The following JPH2 variants were observed in gnomAD, a reference collection of about 807,000 sequenced individuals.
The protein encoded by JPH2 is junctophilin 2, also known as junctophilin-2.
JPH2 carries 38 observed loss-of-function variants against 55.9 expected under a neutral mutation model. The observed-to-expected ratio is 0.68, with a 90% confidence interval of 0.52 to 0.89. JPH2 has a LOEUF of 0.89. Ranked by LOEUF, JPH2 falls within the 40% of genes least tolerant of loss-of-function variation. The pLI is 0.00. For missense variants in JPH2, 964 were observed against 1,037.6 expected, an observed-to-expected ratio of 0.93 and a Z score of 0.97; for synonymous variants, 480 against 472.4, an observed-to-expected ratio of 1.02 and a Z score of -0.21.
rs1365340161 is a variant in JPH2, at chr20:44,110,831, A to G, written c.*2687T>C. ...GCAGGGATTAGAGTCTCCTCAGCAG[A>G]AGAGGAAACTGAGGCACAGAAAGAG... On this transcript the variant is annotated 3_prime_UTR_variant, in exon 6 of 6. Transcript: ENST00000372980. Among the ~76,000 whole-genome samples the G allele has an allele frequency of 6.6e-6, 1 of 152,168 alleles. No individual in the cohort carries two copies. Among genetic ancestry groups the G allele is most frequent in the East Asian group, 1.9e-4 (1 of 5,192 alleles).
At chr20:44,139,977 T>C (rs1328203152) in intron 2 of JPH2, among the ~76,000 whole-genome samples, 6 of 152,162 alleles carry the variant, frequency 3.9e-5, no homozygotes, top group Non-Finnish European at 8.8e-5. Context: ...GTTCAAGTGA[T>C]TCTCCTGCCT....
chr20:44,114,790 C>T lies in JPH2; in HGVS notation c.*6G>A, dbSNP rs1031089866. ...CAGCCAGCTGGCTGCACCTGGTAAG[C>T]GACGGTCAGGTCAGGAGGTGAACAA... On this transcript the variant is annotated 3_prime_UTR_variant, in exon 5 of 6. Transcript: ENST00000372980. 11 of 1,598,394 alleles carry T rather than the reference C, an allele frequency of 6.9e-6. No individual in the cohort carries two copies. The highest frequency in any genetic ancestry group is 1.7e-4 in the Middle Eastern group (1 of 6,006).
At chr20:44,154,015 G>C (rs1264636764) in intron 2 of JPH2, among the ~76,000 whole-genome samples, 2 of 152,090 alleles carry the variant, frequency 1.3e-5, no homozygotes, top group Non-Finnish European at 2.9e-5. Context: ...ACCTTAAAAG[G>C]CATCACAAAA....
chr20:44,178,108 C>G (rs1003170150), intron 1 of JPH2: 2 of 740,520 alleles, frequency 2.7e-6, no homozygotes, highest in Non-Finnish European at 5.0e-6. Context: ...TATCACATGT[C>G]TTCCTTTAGT....
intron 2 of JPH2, among the ~76,000 whole-genome samples, chr20:44,144,203 G>T (rs1404866347): frequency 3.3e-5 from 5 of 152,238 alleles, no homozygotes; most frequent in Admixed American, 6.5e-5. Flanking sequence ...AGGAAGTCAA[G>T]TGGAAGTTGG....
rs768172413 is a variant in JPH2, at chr20:44,159,646, G to A, written c.1141C>T (p.Arg381Cys). 5 of 1,606,680 alleles carry A rather than the reference G, an allele frequency of 3.1e-6. No individual in the cohort carries two copies. Among genetic ancestry groups the A allele is most frequent in the African/African-American group, 1.3e-5 (1 of 74,934 alleles). Residue 381 changes from arginine (R) to cysteine (C), a missense_variant, in exon 2 of 6, where the codon CGC (arginine) becomes TGC (cysteine). Physicochemically the swap from Arg to Cys is radical, Grantham distance 180. Transcript: ENST00000372980. The surrounding 1 kb of genome is among the most constrained non-coding windows in gnomAD (Gnocchi z 5.7). ...EGAQRAAAIA[R>C]QKAEIAASRT... ...GAGGCGGCAATCTCGGCCTTCTGGC[G>A]CGCGATAGCAGCGGCGCGCTGGGCA...
chr20:44,187,180 G>A lies in JPH2; in HGVS notation c.-475C>T, dbSNP rs901024057. The A allele has an allele frequency of 6.2e-5, 11 of 178,546 alleles. No individual in the cohort carries two copies. The highest frequency in any genetic ancestry group is 2.6e-4 in the African/African-American group (11 of 41,876). The allele number at this position is 178,546 out of a possible 1,614,324, so 11.1% of individuals were successfully genotyped here. On this transcript the variant is annotated 5_prime_UTR_variant, in exon 1 of 6. Coordinates refer to ENST00000372980, the MANE Select transcript of JPH2 (RefSeq NM_020433.5). The stretch of plus-strand genomic sequence containing the variant: ...CCCTTCTCCACCCCAGTGGGTGTGC[G>A]GGGCTGTCGGTCTCCCCGCCGCTGC...
chr20:44,176,913 A>C, intron 1 of JPH2: 1 of 985,470 alleles, frequency 1.0e-6, no homozygotes, highest in Non-Finnish European at 1.2e-6. Flanking sequence ...GCAGCTGTCC[A>C]GCCTCCATGT....
At chr20:44,132,399 C>CACACACACACACACACACACACACAG (rs71195518) in intron 2 of JPH2, among the ~76,000 whole-genome samples, 4 of 130,446 alleles carry the variant, frequency 3.1e-5, no homozygotes, top group Non-Finnish European at 4.8e-5. Context: ...CACACACACA[C>CACACACACACACACACACACACACAG]ACATTTGGGC....
rs1390923656 is a variant in JPH2 at position 44,181,613 on chromosome 20, G to C, written c.379+4714C>G. On this transcript the variant is annotated intron_variant, in intron 1 of 5. Transcript: ENST00000372980. ...CAGTGAAGAAGACTTCTGAACCTTT[G>C]AGGATAAAATGCAAGTTTCAGCTTT... Among the ~76,000 whole-genome samples the C allele has an allele frequency of 2.0e-5, 3 of 152,210 alleles. No individual in the cohort carries two copies. In the East Asian group the frequency reaches 5.8e-4, roughly 29 times the overall value.
At chr20:44,170,308 T>G (rs2072687716) in intron 1 of JPH2, among the ~76,000 whole-genome samples, 1 of 152,250 alleles carries the variant, frequency 6.6e-6, no homozygotes, top group Non-Finnish European at 1.5e-5. Flanking sequence ...TTATCACTTC[T>G]TACTTCCCAT....
intron 2 of JPH2, among the ~76,000 whole-genome samples, chr20:44,156,591 C>A (rs530913138): frequency 6.6e-6 from 1 of 152,248 alleles, no homozygotes; most frequent in South Asian, 2.1e-4. Context: ...TGGCACTTCG[C>A]ACACTACATT....
intron 2 of JPH2, among the ~76,000 whole-genome samples, chr20:44,157,810 G>A (rs1313883035): frequency 6.6e-6 from 1 of 151,556 alleles, no homozygotes; most frequent in East Asian, 1.9e-4. Flanking sequence ...TGAAGACCAT[G>A]TGCCCAGTCT....
chr20:44,164,342 G>T (rs1386198604), intron 1 of JPH2, among the ~76,000 whole-genome samples: 5 of 152,150 alleles, frequency 3.3e-5, no homozygotes, highest in Non-Finnish European at 7.3e-5. Flanking sequence ...TCTAAGCTGG[G>T]GAACCTTGGG....
rs552552113 is a variant in JPH2, at chr20:44,110,942, C to T, written c.*2576G>A. Among the ~76,000 whole-genome samples the T allele has an allele frequency of 3.3e-5, 5 of 152,272 alleles. No homozygotes were observed. Among genetic ancestry groups the T allele is most frequent in the East Asian group, 3.9e-4 (2 of 5,178 alleles). ...CCTGAGGACAGGGTGTGCCTGAACT[C>T]GAGCCTACTGTTGGTTGAGGGACCT... On this transcript the variant is annotated 3_prime_UTR_variant, in exon 6 of 6. Coordinates refer to ENST00000372980, the MANE Select transcript of JPH2 (RefSeq NM_020433.5).
Position 44,134,723 on chromosome 20 carries a change from T to C in JPH2, c.1170-16100A>G, listed in dbSNP as rs2072389611. On this transcript the variant is annotated intron_variant, in intron 2 of 5. Coordinates refer to ENST00000372980, the MANE Select transcript of JPH2 (RefSeq NM_020433.5). ...TACATTAATATATATTATAAATATA[T>C]ATTTATTATAAATATATAAAGATAT... Among the ~76,000 whole-genome samples, 2 of 76,032 alleles carry C rather than the reference T, an allele frequency of 2.6e-5. 1 individual carries two copies. The highest frequency in any genetic ancestry group is 1.1e-4 in the African/African-American group (2 of 18,586). 49.9% of individuals were successfully genotyped at this position (76,032 alleles called of 152,430 possible). A position where few individuals can be genotyped will look rare whatever the true frequency, so the allele number is the denominator to read the frequency against.
At chr20:44,136,165 G>A (rs763353943) in intron 2 of JPH2, among the ~76,000 whole-genome samples, 5 of 152,200 alleles carry the variant, frequency 3.3e-5, no homozygotes, top group Non-Finnish European at 7.3e-5. Context: ...ATGTGATCAT[G>A]TACCATGGAT....
chr20:44,124,530 A>G (rs2072262351), intron 2 of JPH2, among the ~76,000 whole-genome samples: 1 of 152,104 alleles, frequency 6.6e-6, no homozygotes, highest in Non-Finnish European at 1.5e-5. Context: ...AATCCCTTGT[A>G]TGGTCAGGCA....
rs1215517363 is a variant in JPH2 at position 44,116,078 on chromosome 20, G to A, written c.1597C>T (p.Arg533Cys). ...TCGGTGGCTGGACGCGCGGGGCTGC[G>A]GCGGCCCGCGCCCTCGGACGGAGTG... ...SVTPSEGAGR[R>C]SPARPATERM... is the part of the protein sequence containing the mutation. Residue 533 changes from arginine (R) to cysteine (C), a missense_variant, in exon 4 of 6, where the codon CGC becomes TGC. Coordinates refer to ENST00000372980, the MANE Select transcript of JPH2 (RefSeq NM_020433.5). 1.3e-6 allele frequency: 2 copies of A among 1,527,770 alleles called. No individual in the cohort carries two copies. Among genetic ancestry groups the A allele is most frequent in the Middle Eastern group, 2.0e-4 (1 of 5,044 alleles). The allele number at this position is 1,527,770 out of a possible 1,614,324, so 94.6% of individuals were successfully genotyped here.
Sources: allele counts gnomAD v4.1 joint callset (sites outside exome capture counted in the v4.1 genomes callset), GRCh38; gene constraint gnomAD v4.1.1; non-coding constraint Gnocchi (gnomAD v3.1); transcripts MANE v1.5; gene names NCBI Gene and HGNC (gene_info 2026-07-23, HGNC 2026-07-21).